The following ATRNL1 variants were observed in gnomAD, a reference collection of about 807,000 sequenced individuals.
The protein encoded by ATRNL1 is attractin like 1, also known as attractin-like protein 1.
ATRNL1 carries 95 observed loss-of-function variants against 182.7 expected under a neutral mutation model. That is an observed-to-expected ratio of 0.52 (90% CI 0.44 to 0.62). The LOEUF (loss-of-function observed/expected upper bound fraction) is 0.62, where lower values mean the gene tolerates loss of function less well. Ranked by LOEUF, ATRNL1 falls within the 20% of genes least tolerant of loss-of-function variation. ATRNL1 has a pLI of 0.00. For synonymous variants in ATRNL1, 576 were observed against 568.3 expected, an observed-to-expected ratio of 1.01 and a Z score of -0.19; for missense variants, 1,471 against 1,679.5, an observed-to-expected ratio of 0.88 and a Z score of 2.17.
intron 27 of ATRNL1, among the ~76,000 whole-genome samples, chr10:115,787,079 T>G (rs946697076): frequency 6.6e-6 from 1 of 152,226 alleles, no homozygotes; most frequent in Non-Finnish European, 1.5e-5. Context: ...ATTCTGTGAA[T>G]TGATATTTAA....
intron 28 of ATRNL1, among the ~76,000 whole-genome samples, chr10:115,867,730 A>ATTTT (rs59623583): frequency 1.0e-3 from 139 of 138,096 alleles, no homozygotes; most frequent in East Asian, 6.9e-3. Flanking sequence ...CACCCTGTGA[A>ATTTT]TTTTTTTTTT....
At chr10:115,448,762 A>G (rs1847137048) in intron 21 of ATRNL1, among the ~76,000 whole-genome samples, 1 of 152,116 alleles carries the variant, frequency 6.6e-6, no homozygotes, top group Admixed American at 6.6e-5. Context: ...TGAAAATATT[A>G]ATAAGATATG....
chr10:115,606,247 T>G (rs1856865919), intron 26 of ATRNL1, among the ~76,000 whole-genome samples: 1 of 152,008 alleles, frequency 6.6e-6, no homozygotes, highest in South Asian at 2.1e-4. Flanking sequence ...CTCGCATATT[T>G]GATTCTAGGA....
chr10:115,732,389 A>G (rs1555063319), intron 27 of ATRNL1, among the ~76,000 whole-genome samples: 1 of 152,148 alleles, frequency 6.6e-6, no homozygotes, highest in African/African-American at 2.4e-5. Flanking sequence ...CCTTTGTAGC[A>G]AGTTTTGGAA....
intron 26 of ATRNL1, among the ~76,000 whole-genome samples, chr10:115,616,387 T>G (rs570359759): frequency 6.6e-6 from 1 of 152,236 alleles, no homozygotes; most frequent in African/African-American, 2.4e-5. Context: ...GGGCATACAA[T>G]TTGGGAAAAT....
At chr10:115,367,500 A>G (rs1389375378) in intron 19 of ATRNL1, among the ~76,000 whole-genome samples, 18 of 151,258 alleles carry the variant, frequency 1.2e-4, no homozygotes, top group African/African-American at 3.9e-4. Flanking sequence ...TGATCATCTG[A>G]AGCCTTCTTC....
intron 9 of ATRNL1, among the ~76,000 whole-genome samples, chr10:115,221,121 T>A (rs1336415112): frequency 6.6e-6 from 1 of 152,212 alleles, no homozygotes; most frequent in Non-Finnish European, 1.5e-5. Context: ...GATAATCTAA[T>A]GTTGCCACTC....
intron 9 of ATRNL1, among the ~76,000 whole-genome samples, chr10:115,224,405 T>G (rs1435662126): frequency 6.6e-6 from 1 of 151,604 alleles, no homozygotes; most frequent in Non-Finnish European, 1.5e-5. Flanking sequence ...AGAATCCCCT[T>G]GAGAAGTTAG....
chr10:115,727,721 CAA>C (rs1947644171), intron 27 of ATRNL1, among the ~76,000 whole-genome samples: 1 of 152,164 alleles, frequency 6.6e-6, no homozygotes, highest in African/African-American at 2.4e-5. Flanking sequence ...TCTTTATTAA[CAA>C]AGTTTACTTA....
At chr10:115,177,183 A>G (rs138569071) in intron 8 of ATRNL1, among the ~76,000 whole-genome samples, 3,297 of 152,292 alleles carry the variant, frequency 0.022, 61 homozygotes, top group Middle Eastern at 0.065. Flanking sequence ...AAGTACAATC[A>G]TTACTAAGGA....
chr10:115,452,888 C>T (rs1847346206), intron 21 of ATRNL1, among the ~76,000 whole-genome samples: 1 of 152,010 alleles, frequency 6.6e-6, no homozygotes, highest in Non-Finnish European at 1.5e-5. Context: ...CCTTTCTATT[C>T]TCTGCATGTA....
intron 27 of ATRNL1, among the ~76,000 whole-genome samples, chr10:115,735,713 A>C (rs1555065323): frequency 6.6e-6 from 1 of 152,244 alleles, no homozygotes; most frequent in Non-Finnish European, 1.5e-5. Context: ...TGAATGGGCA[A>C]GTAATTTATA....
At chr10:115,353,733 G>T (rs1030613936) in intron 19 of ATRNL1, among the ~76,000 whole-genome samples, 1 of 151,544 alleles carries the variant, frequency 6.6e-6, no homozygotes, top group Non-Finnish European at 1.5e-5. Flanking sequence ...TCTATTATAG[G>T]TGTTTGCTTT....
At chr10:115,726,656 T>C (rs1173920130) in intron 26 of ATRNL1, among the ~76,000 whole-genome samples, 3 of 152,214 alleles carry the variant, frequency 2.0e-5, no homozygotes, top group Non-Finnish European at 2.9e-5. Flanking sequence ...ACCTTACTAA[T>C]CATGCCTCAT....
intron 22 of ATRNL1, among the ~76,000 whole-genome samples, chr10:115,463,744 A>G (rs1425470354): frequency 6.6e-6 from 1 of 151,948 alleles, no homozygotes; most frequent in African/African-American, 2.4e-5. Flanking sequence ...CCTCATATAA[A>G]TGTAATCATT....
chr10:115,318,834 A>G (rs564735370), intron 18 of ATRNL1, among the ~76,000 whole-genome samples: 2 of 152,054 alleles, frequency 1.3e-5, no homozygotes, highest in South Asian at 2.1e-4. Context: ...TAGTTTTTCA[A>G]AAAACCAGCT....
At chr10:115,579,821 TC>T (rs781822839) in intron 26 of ATRNL1, among the ~76,000 whole-genome samples, 61 of 152,100 alleles carry the variant, frequency 4.0e-4, no homozygotes, top group Middle Eastern at 6.8e-3. Context: ...GCTTCCTGCC[TC>T]TTTTTTATTG....
At chr10:115,361,305 C>CTATG (rs200948155) in intron 19 of ATRNL1, among the ~76,000 whole-genome samples, 2,396 of 151,892 alleles carry the variant, frequency 0.016, 52 homozygotes, top group African/African-American at 0.053. Context: ...GTCTACCTGT[C>CTATG]TATGTATGTA....
At chr10:115,708,734 A>G (rs10430685) in intron 26 of ATRNL1, among the ~76,000 whole-genome samples, 57,233 of 151,528 alleles carry the variant, frequency 0.38, 11,731 homozygotes, top group East Asian at 0.65. Flanking sequence ...TTCAAGCTGA[A>G]ATGTTAGCAA....
Sources: gnomAD v4.1 joint callset for allele counts (sites outside exome capture counted in the v4.1 genomes callset) on GRCh38, gnomAD v4.1.1 for gene constraint, MANE v1.5 for transcripts, NCBI Gene and HGNC (gene_info 2026-07-23, HGNC 2026-07-21) for gene names.